The following TENM2 variants were observed in gnomAD, a reference collection of about 807,000 sequenced individuals.
TENM2 encodes teneurin transmembrane protein 2, also known as teneurin-2.
A neutral mutation model predicts 245.2 loss-of-function variants in TENM2; 52 were observed. The ratio of observed to expected loss-of-function variants is 0.21; its 90% CI spans 0.17 to 0.27. The LOEUF (loss-of-function observed/expected upper bound fraction) is 0.27. Ranked by LOEUF, TENM2 falls within the 10% of genes least tolerant of loss-of-function variation. The pLI is 1.00. For synonymous variants in TENM2, 1,363 were observed against 1,438.9 expected, an observed-to-expected ratio of 0.95 and a Z score of 1.19; for missense variants, 3,046 against 3,666.8, an observed-to-expected ratio of 0.83 and a Z score of 4.37.
chr5:167,185,148 T>G, the TENM2 span, among the ~76,000 whole-genome samples: 2 of 152,122 alleles, frequency 1.3e-5, no homozygotes, highest in Non-Finnish European at 2.9e-5. Context: ...TTTACCCTAC[T>G]GTTTCTGTTT....
chr5:168,171,039 C>T (rs373087598), intron 13 of TENM2, among the ~76,000 whole-genome samples: 1 of 152,188 alleles, frequency 6.6e-6, no homozygotes, highest in African/African-American at 2.4e-5. Flanking sequence ...TAGTTCCACC[C>T]GAGGGTCTTT....
chr5:168,058,501 A>G (rs148489479), intron 6 of TENM2, among the ~76,000 whole-genome samples: 2 of 152,274 alleles, frequency 1.3e-5, no homozygotes, highest in East Asian at 1.9e-4. Context: ...AGAGAAAACA[A>G]TTTTGTCTGG....
At chr5:168,021,158 A>G (rs1366088407) in intron 5 of TENM2, among the ~76,000 whole-genome samples, 4 of 152,234 alleles carry the variant, frequency 2.6e-5, no homozygotes, top group Non-Finnish European at 5.9e-5. Context: ...GACCAAAGTT[A>G]TATCCTCCTG....
At chr5:167,619,651 G>T (rs1778027607) in intron 2 of TENM2, among the ~76,000 whole-genome samples, 1 of 152,128 alleles carries the variant, frequency 6.6e-6, no homozygotes, top group African/African-American at 2.4e-5. Flanking sequence ...GTGCATTAAA[G>T]TGCTTAGACC....
At chr5:167,628,199 T>C (rs375243294) in intron 2 of TENM2, among the ~76,000 whole-genome samples, 87 of 152,304 alleles carry the variant, frequency 5.7e-4, no homozygotes, top group African/African-American at 1.9e-3. Flanking sequence ...TCTTCAGCCC[T>C]CTTCTGTCGT....
chr5:167,398,813 C>T (rs976402691), intron 2 of TENM2, among the ~76,000 whole-genome samples: 3 of 152,204 alleles, frequency 2.0e-5, no homozygotes, highest in South Asian at 4.1e-4. Context: ...AAGCTCTTAG[C>T]GAAGTGCCTG....
chr5:167,312,185 C>T lies in TENM2; in HGVS notation c.226+27122C>T, dbSNP rs546049374. Among the ~76,000 whole-genome samples the T allele has an allele frequency of 1.2e-4, 18 of 152,240 alleles. No individual in the cohort carries two copies. In the East Asian group the frequency reaches 2.9e-3, roughly 24 times the overall value. On this transcript the variant is annotated intron_variant, in intron 1 of 28. Coordinates refer to ENST00000518659, the Ensembl canonical transcript of TENM2. The stretch of plus-strand genomic sequence containing the variant: ...TATAAATCACATGTAACATATTACA[C>T]ATATTAAACACAATAAAACATGTAC...
chr5:167,230,685 A>G, the TENM2 span, among the ~76,000 whole-genome samples: 2 of 152,180 alleles, frequency 1.3e-5, no homozygotes, highest in Admixed American at 6.5e-5. Flanking sequence ...CTCATTTTCT[A>G]AAGAACCAGA....
At chr5:167,425,058 A>G (rs535873552) in intron 2 of TENM2, among the ~76,000 whole-genome samples, 1 of 152,342 alleles carries the variant, frequency 6.6e-6, no homozygotes, top group African/African-American at 2.4e-5. Flanking sequence ...ATGTCCAAGT[A>G]GAATATAGAT....
intron 2 of TENM2, among the ~76,000 whole-genome samples, chr5:167,729,365 CTG>C (rs1323790885): frequency 2.0e-5 from 3 of 152,152 alleles, no homozygotes; most frequent in Non-Finnish European, 4.4e-5. Context: ...ATTCTCCTTC[CTG>C]TGTTAGTAAC....
At chr5:167,074,646 G>A in the TENM2 span, among the ~76,000 whole-genome samples, 2 of 152,188 alleles carry the variant, frequency 1.3e-5, no homozygotes, top group Admixed American at 1.3e-4. Context: ...CGAAGTAATT[G>A]ACGTCCAAGC....
intron 2 of TENM2, among the ~76,000 whole-genome samples, chr5:167,521,102 GGTT>G (rs1220817469): frequency 6.6e-6 from 1 of 151,508 alleles, no homozygotes; most frequent in Non-Finnish European, 1.5e-5. Context: ...CTGAGGTTGG[GGTT>G]GTTATTGCAG....
intron 2 of TENM2, among the ~76,000 whole-genome samples, chr5:167,422,466 T>C (rs538473755): frequency 6.6e-6 from 1 of 152,286 alleles, no homozygotes; most frequent in East Asian, 1.9e-4. Flanking sequence ...TACCTAACAT[T>C]TTAAGGGATT....
chr5:167,873,054 A>T (rs1479395580), intron 2 of TENM2, among the ~76,000 whole-genome samples: 1 of 152,226 alleles, frequency 6.6e-6, no homozygotes, highest in East Asian at 1.9e-4. Context: ...ATTGTGAGTT[A>T]AAATCTGTTC....
intron 2 of TENM2, among the ~76,000 whole-genome samples, chr5:167,837,552 TG>T (rs1186103916): frequency 6.6e-6 from 1 of 152,224 alleles, no homozygotes; most frequent in Non-Finnish European, 1.5e-5. Context: ...GACCAAAAGA[TG>T]CTGACAAACA....
At chr5:166,994,434 C>T in the TENM2 span, among the ~76,000 whole-genome samples, 1 of 152,152 alleles carries the variant, frequency 6.6e-6, no homozygotes. Flanking sequence ...GTATTTCAGG[C>T]TCCCTCTGAG....
chr5:167,445,369 A>AGAGAGAGAGTGT (rs35699708), intron 2 of TENM2, among the ~76,000 whole-genome samples: 11 of 98,606 alleles, frequency 1.1e-4, no homozygotes, highest in African/African-American at 5.5e-4. Flanking sequence ...AGAGAGAGAG[A>AGAGAGAGAGTGT]GTGTCAGGTG....
chr5:168,104,440 C>G (rs34000130), intron 9 of TENM2, among the ~76,000 whole-genome samples: 1 of 152,030 alleles, frequency 6.6e-6, no homozygotes, highest in African/African-American at 2.4e-5. Context: ...CCGGAATTCC[C>G]TGGCTCTGCC....
chr5:167,268,425 A>G, the TENM2 span, among the ~76,000 whole-genome samples: 2 of 152,148 alleles, frequency 1.3e-5, no homozygotes. Flanking sequence ...AATACAAGCA[A>G]TTTATTTTGT....
Sources: gnomAD v4.1 joint callset for allele counts (sites outside exome capture counted in the v4.1 genomes callset) on GRCh38, gnomAD v4.1.1 for gene constraint, MANE v1.5 for transcripts, NCBI Gene and HGNC (gene_info 2026-07-23, HGNC 2026-07-21) for gene names.